Variants in KIF6 observed in about 807,000 individuals in gnomAD.
KIF6 encodes the protein kinesin family member 6.
A neutral mutation model predicts 112.7 loss-of-function variants in KIF6; 106 were observed. The ratio of observed to expected loss-of-function variants is 0.94; its 90% CI spans 0.80 to 1.11. The LOEUF (loss-of-function observed/expected upper bound fraction) is 1.11. Ranked by LOEUF, KIF6 falls within the 50% of genes least tolerant of loss-of-function variation. The pLI is 0.00. For missense variants in KIF6, 929 were observed against 964.0 expected (o/e 0.96, Z 0.48); for synonymous variants, 339 against 339.9 (o/e 1.00, Z 0.03).
At chr6:39,502,100 C>T (rs571456857) in intron 13 of KIF6, among the ~76,000 whole-genome samples, 38 of 152,068 alleles carry the variant, frequency 2.5e-4, no homozygotes, top group Non-Finnish European at 5.1e-4. Context: ...AAGGCCAGGT[C>T]ACCTACAAAG....
chr6:39,634,739 G>A (rs1032869614), intron 5 of KIF6, 110 bp downstream of exon 5: 11 of 750,716 alleles, frequency 1.5e-5, no homozygotes, highest in Non-Finnish European at 2.1e-5. Flanking sequence ...CGGTTATCCA[G>A]TATTTGCTAA....
intron 14 of KIF6, among the ~76,000 whole-genome samples, chr6:39,430,662 A>T (rs1437298292): frequency 6.6e-6 from 1 of 152,234 alleles, no homozygotes; most frequent in African/African-American, 2.4e-5. Flanking sequence ...CTAAGACAGG[A>T]CTGCTCTCCA....
rs114180859 is a variant in KIF6 at position 39,480,310 on chromosome 6, C to T, written c.1646-49149G>A. 1.7e-3 allele frequency among the ~76,000 whole-genome samples: 266 copies of T among 152,216 alleles called. 1 individual carries two copies. Among genetic ancestry groups the T allele is most frequent in the African/African-American group, 5.7e-3 (238 of 41,548 alleles). ...CTTTTTCTGTGTCTACTGAGATGAT[C>T]GTGGGATTTTTGTTTTTAATTCTGT... On this transcript the variant is annotated intron_variant, in intron 13 of 22. Coordinates refer to ENST00000287152, the MANE Select transcript of KIF6 (RefSeq NM_145027.6).
chr6:39,408,482 A>G (rs547229120), intron 15 of KIF6, among the ~76,000 whole-genome samples: 12 of 152,344 alleles, frequency 7.9e-5, no homozygotes, highest in Admixed American at 2.0e-4. Flanking sequence ...AGTAGTTAAT[A>G]GTATTTACAT....
intron 10 of KIF6, among the ~76,000 whole-genome samples, chr6:39,572,531 G>T (rs1285674696): frequency 1.3e-5 from 2 of 152,054 alleles, no homozygotes; most frequent in African/African-American, 4.8e-5. Flanking sequence ...CAGACACTTT[G>T]GGGCAAGAGT....
chr6:39,578,236 T>C (rs1452850943), intron 9 of KIF6, 77 bp from the exon 10 acceptor site: 1 of 916,652 alleles, frequency 1.1e-6, no homozygotes, highest in Non-Finnish European at 1.8e-6. Context: ...ATACAGCTCT[T>C]AAAATTATGG....
chr6:39,640,806 C>T (rs1784861428), intron 3 of KIF6, among the ~76,000 whole-genome samples: 1 of 152,156 alleles, frequency 6.6e-6, no homozygotes, highest in Non-Finnish European at 1.5e-5. Flanking sequence ...AACTATTAAA[C>T]TTATGACCAC....
chr6:39,344,903 C>T (rs144600427), intron 21 of KIF6, among the ~76,000 whole-genome samples: 16 of 152,324 alleles, frequency 1.1e-4, no homozygotes, highest in African/African-American at 3.1e-4. Context: ...GATGTGTGGC[C>T]GGGTGACCAG....
At chr6:39,502,875 G>C (rs1041674417) in intron 13 of KIF6, among the ~76,000 whole-genome samples, 1 of 151,968 alleles carries the variant, frequency 6.6e-6, no homozygotes, top group Non-Finnish European at 1.5e-5. Context: ...AAGAGACTTG[G>C]GCTTCACACA....
intron 5 of KIF6, among the ~76,000 whole-genome samples, chr6:39,615,814 A>G (rs1783488217): frequency 6.6e-6 from 1 of 152,154 alleles, no homozygotes; most frequent in African/African-American, 2.4e-5. Flanking sequence ...AGGCAAGGTC[A>G]CTGAAAATTT....
At chr6:39,448,200 G>C (rs1772450327) in intron 13 of KIF6, among the ~76,000 whole-genome samples, 1 of 151,926 alleles carries the variant, frequency 6.6e-6, no homozygotes, top group Non-Finnish European at 1.5e-5. Flanking sequence ...TTGAGATGAA[G>C]TCTTGCTCTT....
chr6:39,541,709 C>T (rs1466891415), intron 12 of KIF6, among the ~76,000 whole-genome samples: 1 of 152,184 alleles, frequency 6.6e-6, no homozygotes, highest in Non-Finnish European at 1.5e-5. Context: ...CATACCTAAT[C>T]TGAAGAAGGT....
intron 7 of KIF6, among the ~76,000 whole-genome samples, chr6:39,590,451 A>ATATATTTT (rs1338373703): frequency 8.3e-5 from 7 of 84,774 alleles, no homozygotes; most frequent in African/African-American, 3.1e-4. Flanking sequence ...ATATATATAT[A>ATATATTTT]TTTTTTTTTT....
chr6:39,334,057 G>A lies in KIF6; in HGVS notation c.*2475C>T, dbSNP rs1393201471. 6.6e-6 allele frequency: 1 copy of A among 152,250 alleles called. No individual in the cohort carries two copies. The allele number at this position is 152,250 out of a possible 1,614,324, so 9.4% of individuals were successfully genotyped here. ...ATATCAAAGGCTGGGCTTCCATTAG[G>A]GGATGTTCGGAGCAAAAGGCCCCTT... On this transcript the variant is annotated 3_prime_UTR_variant, in exon 23 of 23. Transcript: ENST00000287152.
At chr6:39,401,174 G>A (rs1022499308) in intron 15 of KIF6, among the ~76,000 whole-genome samples, 1 of 152,374 alleles carries the variant, frequency 6.6e-6, no homozygotes, top group African/African-American at 2.4e-5. Flanking sequence ...AATGAGGACA[G>A]TGACTTCTAG....
At chr6:39,725,096 G>T (rs1261983246) in intron 1 of KIF6, 149 bp downstream of exon 1, 1 of 574,502 alleles carries the variant, frequency 1.7e-6, no homozygotes, top group Non-Finnish European at 2.9e-6. Context: ...GCGGCTGCAG[G>T]GCTCCTCGGT....
intron 16 of KIF6, among the ~76,000 whole-genome samples, chr6:39,364,678 C>G (rs776470911): frequency 1.1e-4 from 16 of 151,738 alleles, no homozygotes; most frequent in Admixed American, 1.3e-4. Flanking sequence ...CTACTAGGCA[C>G]TGGGCTAGGT....
chr6:39,652,435 G>A (rs1393738017), intron 3 of KIF6, among the ~76,000 whole-genome samples: 1 of 151,748 alleles, frequency 6.6e-6, no homozygotes, highest in Admixed American at 6.6e-5. Context: ...GCTGAGGCAG[G>A]AAAATCGCTT....
intron 13 of KIF6, among the ~76,000 whole-genome samples, chr6:39,511,661 T>C (rs1204874668): frequency 1.3e-5 from 2 of 152,230 alleles, no homozygotes; most frequent in Non-Finnish European, 2.9e-5. Flanking sequence ...ATTGTGGCAC[T>C]ATTTATAATA....
Sources: allele counts gnomAD v4.1 joint callset (sites outside exome capture counted in the v4.1 genomes callset), GRCh38; gene constraint gnomAD v4.1.1; transcripts MANE v1.5; gene names NCBI Gene and HGNC (gene_info 2026-07-23, HGNC 2026-07-21).